Variants in EXOC6 observed in about 807,000 individuals in gnomAD.
EXOC6 encodes the protein SEC15-like 1.
A neutral mutation model predicts 112.5 loss-of-function variants in EXOC6; 60 were observed. The observed-to-expected ratio is 0.53, with a 90% CI of 0.43 to 0.66. The LOEUF is 0.66. EXOC6 is among the 30% of genes least tolerant of loss of function. EXOC6 has a pLI of 0.00. For synonymous variants in EXOC6, 295 were observed against 308.0 expected (o/e 0.96, Z 0.44); for missense variants, 855 against 957.1 (o/e 0.89, Z 1.41).
chr10:92,912,538 A>G (rs1010950874), intron 6 of EXOC6, among the ~76,000 whole-genome samples: 19 of 152,192 alleles, frequency 1.2e-4, no homozygotes, highest in Non-Finnish European at 2.5e-4. Context: ...TCACATGGGG[A>G]TGAAGTAATT....
chr10:92,875,549 T>G (rs1230166630), intron 1 of EXOC6, among the ~76,000 whole-genome samples: 1 of 152,212 alleles, frequency 6.6e-6, no homozygotes, highest in Non-Finnish European at 1.5e-5. Flanking sequence ...ATTCCTACTG[T>G]GTTACATAAC....
At chr10:92,898,887 T>C (rs994817863) in intron 4 of EXOC6, among the ~76,000 whole-genome samples, 4 of 152,188 alleles carry the variant, frequency 2.6e-5, no homozygotes, top group Non-Finnish European at 5.9e-5. Context: ...GCAAAGTGTG[T>C]ACTCATTCTG....
chr10:93,048,970 T>TTATATAACAAA (rs1394393061), intron 20 of EXOC6, among the ~76,000 whole-genome samples: 1 of 152,144 alleles, frequency 6.6e-6, no homozygotes, highest in Non-Finnish European at 1.5e-5. Context: ...TATTAAAAGT[T>TTATATAACAAA]TATATAACAA....
intron 1 of EXOC6, among the ~76,000 whole-genome samples, chr10:92,864,522 A>T (rs985092357): frequency 6.6e-6 from 1 of 152,194 alleles, no homozygotes; most frequent in African/African-American, 2.4e-5. Context: ...GGCTGCCCAG[A>T]TAGCTGGTGA....
intron 17 of EXOC6, among the ~76,000 whole-genome samples, chr10:92,970,247 A>G (rs1842243131): frequency 6.6e-6 from 1 of 152,236 alleles, no homozygotes; most frequent in Non-Finnish European, 1.5e-5. Context: ...TTTGGAAGAA[A>G]AAATGCGTGG....
intron 17 of EXOC6, among the ~76,000 whole-genome samples, chr10:92,970,546 GCTA>G (rs1842255293): frequency 6.6e-6 from 1 of 152,130 alleles, no homozygotes; most frequent in Non-Finnish European, 1.5e-5. Flanking sequence ...AGCTCATCTT[GCTA>G]CTACCATATT....
chr10:92,863,923 A>AC (rs1028124856), intron 1 of EXOC6, among the ~76,000 whole-genome samples: 21 of 151,636 alleles, frequency 1.4e-4, no homozygotes, highest in Admixed American at 1.2e-3. Context: ...TCAAAAAAAA[A>AC]AAAACAAAAC....
At chr10:92,952,555 C>A (rs1853480282) in intron 15 of EXOC6, among the ~76,000 whole-genome samples, 173 bp downstream of exon 15, 1 of 152,270 alleles carries the variant, frequency 6.6e-6, no homozygotes, top group Middle Eastern at 3.4e-3. Flanking sequence ...TTGAACGTGT[C>A]ACCCAGGTAG....
chr10:93,018,996 TA>T (rs1397357950), intron 20 of EXOC6, among the ~76,000 whole-genome samples: 5 of 152,082 alleles, frequency 3.3e-5, no homozygotes, highest in African/African-American at 1.2e-4. Context: ...TAAAGATTGC[TA>T]ACCCAACATC....
chr10:92,962,174 G>A (rs1358695551), intron 17 of EXOC6, among the ~76,000 whole-genome samples: 1 of 152,064 alleles, frequency 6.6e-6, no homozygotes, highest in African/African-American at 2.4e-5. Flanking sequence ...TTCTAGGACA[G>A]GCTACTTTGA....
chr10:93,044,957 C>T (rs909848489), intron 20 of EXOC6, among the ~76,000 whole-genome samples: 2 of 152,144 alleles, frequency 1.3e-5, no homozygotes, highest in Non-Finnish European at 2.9e-5. Flanking sequence ...ACTGCAACCT[C>T]CACCTCCTGG....
rs529981418 is a variant in EXOC6, at chr10:92,899,298, G to T, written c.413-301G>T. Among the ~76,000 whole-genome samples, 4 of 152,228 alleles carry T rather than the reference G, an allele frequency of 2.6e-5. No homozygotes were observed. The East Asian group carries it at 7.7e-4, about 29-fold the overall frequency. On this transcript the variant is annotated intron_variant, in intron 4 of 21. Coordinates refer to ENST00000260762, the MANE Select transcript of EXOC6 (RefSeq NM_019053.6). ...TTAGTAGTTTCTGGATAGGATAATTGTTAGTAGGCTAATGTCTCAGTTATA... is the reference window on the plus strand; with the variant it reads ...TTAGTAGTTTCTGGATAGGATAATTTTTAGTAGGCTAATGTCTCAGTTATA...
intron 19 of EXOC6, among the ~76,000 whole-genome samples, chr10:92,998,594 G>T (rs1843599834): frequency 6.8e-6 from 1 of 147,624 alleles, no homozygotes; most frequent in Non-Finnish European, 1.5e-5. Context: ...TAATTAGATA[G>T]GCTCTTTGGA....
intron 19 of EXOC6, among the ~76,000 whole-genome samples, chr10:92,998,494 G>T (rs1194033686): frequency 1.3e-5 from 2 of 152,110 alleles, no homozygotes; most frequent in African/African-American, 4.8e-5. Context: ...AAGCAGAAAT[G>T]ACTGATTTTT....
chr10:92,858,921 C>T (rs956156280), intron 1 of EXOC6, among the ~76,000 whole-genome samples: 1 of 152,152 alleles, frequency 6.6e-6, no homozygotes, highest in African/African-American at 2.4e-5. Flanking sequence ...CACACCGCCA[C>T]ACCCGGCTAA....
chr10:92,929,584 A>G (rs1003341437), intron 9 of EXOC6, among the ~76,000 whole-genome samples: 2 of 152,258 alleles, frequency 1.3e-5, no homozygotes. Flanking sequence ...AGTGCTACTT[A>G]GTATATTTAA....
chr10:92,885,296 T>C (rs564445233), intron 1 of EXOC6, among the ~76,000 whole-genome samples: 18 of 152,248 alleles, frequency 1.2e-4, no homozygotes, highest in African/African-American at 4.3e-4. Flanking sequence ...ACATTCCGAG[T>C]TGCTAAAATT....
At chr10:92,857,691 A>G (rs967591822) in intron 1 of EXOC6, among the ~76,000 whole-genome samples, 1 of 152,180 alleles carries the variant, frequency 6.6e-6, no homozygotes, top group Non-Finnish European at 1.5e-5. Flanking sequence ...ATGTAGTTTT[A>G]TGCAACTGCT....
At chr10:93,006,462 G>T (rs1349990562) in intron 19 of EXOC6, among the ~76,000 whole-genome samples, 1 of 152,132 alleles carries the variant, frequency 6.6e-6, no homozygotes, top group Non-Finnish European at 1.5e-5. Context: ...TCCAAGAAAT[G>T]GAGAAAACTA....
Sources: allele counts gnomAD v4.1 joint callset (sites outside exome capture counted in the v4.1 genomes callset), GRCh38; gene constraint gnomAD v4.1.1; transcripts MANE v1.5; gene names NCBI Gene and HGNC (gene_info 2026-07-23, HGNC 2026-07-21).